AMN1: variants seen among roughly 807,000 people sequenced by gnomAD.
AMN1 encodes antagonist of mitotic exit network 1 homolog.
In AMN1, 20 loss-of-function variants were observed where a neutral mutation model predicts 33.0. The ratio of observed to expected loss-of-function variants is 0.61; its 90% CI spans 0.43 to 0.88. The LOEUF is 0.88. Among genes scored for constraint, AMN1 ranks in the 40% least tolerant of loss-of-function variants. The probability of loss-of-function intolerance (pLI) is 0.00; values close to 1 mark genes in which losing one functional copy is unlikely to be tolerated. For synonymous variants in AMN1, 114 were observed against 111.9 expected, an observed-to-expected ratio of 1.02 and a Z score of -0.12; for missense variants, 246 against 307.4, an observed-to-expected ratio of 0.80 and a Z score of 1.49.
intron 1 of AMN1, among the ~76,000 whole-genome samples, chr12:31,712,998 G>A (rs1939527434): frequency 6.6e-6 from 1 of 152,174 alleles, no homozygotes. Flanking sequence ...ACATGGGAGT[G>A]CAGATATCTC....
At chr12:31,720,373 T>C (rs1279679546) in intron 1 of AMN1, among the ~76,000 whole-genome samples, 1 of 152,158 alleles carries the variant, frequency 6.6e-6, no homozygotes, top group African/African-American at 2.4e-5. Context: ...TAACCCCATC[T>C]CTACCAAAAA....
intron 6 of AMN1, among the ~76,000 whole-genome samples, chr12:31,684,225 T>A (rs1330252380): frequency 2.0e-5 from 3 of 152,148 alleles, no homozygotes; most frequent in African/African-American, 7.2e-5. Flanking sequence ...GCAAAGTTCA[T>A]TGATATGTTT....
At chr12:31,693,144 C>G (rs1182796470) in intron 5 of AMN1, among the ~76,000 whole-genome samples, 1 of 152,174 alleles carries the variant, frequency 6.6e-6, no homozygotes, top group Admixed American at 6.5e-5. Context: ...ACACAGTTCA[C>G]CGTAGCTTCA....
At chr12:31,727,962 T>C (rs1017231007) in intron 1 of AMN1, among the ~76,000 whole-genome samples, 1 of 152,088 alleles carries the variant, frequency 6.6e-6, no homozygotes, top group Non-Finnish European at 1.5e-5. Flanking sequence ...CCAACTCTCC[T>C]GATCTCAAGT....
At chr12:31,675,080 G>A (rs1236969087) in intron 6 of AMN1, among the ~76,000 whole-genome samples, 4 of 148,536 alleles carry the variant, frequency 2.7e-5, no homozygotes, top group African/African-American at 1.0e-4. Context: ...AACCAACTAG[G>A]AATAGAAGAT....
At position 31,701,853 on chromosome 12, in the gene AMN1, A is replaced by C. The variant is rs771328077; in HGVS notation, c.316+10T>G. On this transcript the variant is annotated intron_variant, in intron 3 of 6. Transcript: ENST00000281471. ...TAATCTACCAATGTACTCAGTGTTA[A>C]TAAACATACCTTCTGAAGTTACAGA... 6.3e-7 allele frequency: 1 copy of C among 1,591,662 alleles called. No individual in the cohort carries two copies. Among genetic ancestry groups the C allele is most frequent in the South Asian group, 1.2e-5 (1 of 86,312 alleles).
intron 1 of AMN1, among the ~76,000 whole-genome samples, chr12:31,718,306 A>C (rs576939381): frequency 6.6e-4 from 100 of 152,130 alleles, no homozygotes; most frequent in Non-Finnish European, 1.2e-3. Context: ...TCTAGTTAGC[A>C]GTTCCTGTAA....
intron 2 of AMN1, 104 bp from the exon 3 acceptor site, chr12:31,702,111 T>C (rs1369234591): frequency 1.9e-6 from 2 of 1,025,978 alleles, no homozygotes; most frequent in Non-Finnish European, 2.8e-6. Context: ...GTGGCTGATG[T>C]AAAATACAGC....
intron 1 of AMN1, chr12:31,715,788 TGAAA>T (rs1484638550): frequency 1.3e-5 from 2 of 155,084 alleles, no homozygotes; most frequent in African/African-American, 4.8e-5. Flanking sequence ...CCATGATGAA[TGAAA>T]GACAAGAGAC....
At chr12:31,681,747 C>T (rs1938024981) in intron 6 of AMN1, among the ~76,000 whole-genome samples, 1 of 152,110 alleles carries the variant, frequency 6.6e-6, no homozygotes, top group South Asian at 2.1e-4. Context: ...TAATGTTGTG[C>T]AGGCTGATTT....
chr12:31,712,585 T>C (rs1328394105), intron 1 of AMN1, among the ~76,000 whole-genome samples: 1 of 152,144 alleles, frequency 6.6e-6, no homozygotes, highest in East Asian at 1.9e-4. Context: ...TATTCCATCA[T>C]ATATATGTAT....
At chr12:31,715,098 A>G (rs1177430554) in intron 1 of AMN1, 1 of 190,614 alleles carries the variant, frequency 5.2e-6, no homozygotes, top group African/African-American at 2.4e-5. Context: ...GTACTGAAGT[A>G]GCAAAGATGC....
chr12:31,707,419 T>C (rs541020354), intron 2 of AMN1, among the ~76,000 whole-genome samples: 41 of 152,350 alleles, frequency 2.7e-4, no homozygotes, highest in Non-Finnish European at 4.7e-4. Flanking sequence ...TGTTCCTGAA[T>C]GTCATTCTGC....
At chr12:31,729,166 A>G (rs1461048737), upstream of AMN1, 5 of 743,208 alleles carry the variant, frequency 6.7e-6, no homozygotes, top group African/African-American at 5.4e-5. Context: ...GGACTCCACA[A>G]GGAAAGAAGA....
At chr12:31,678,617 G>A (rs923525560) in intron 6 of AMN1, among the ~76,000 whole-genome samples, 10 of 152,196 alleles carry the variant, frequency 6.6e-5, no homozygotes, top group Admixed American at 1.3e-4. Context: ...GGCTGGTCTC[G>A]AACTCCTGAC....
intron 1 of AMN1, among the ~76,000 whole-genome samples, chr12:31,716,190 C>T (rs1939668965): frequency 6.6e-6 from 1 of 152,100 alleles, no homozygotes; most frequent in African/African-American, 2.4e-5. Context: ...TATTCATTTC[C>T]ATTTTCACGT....
At chr12:31,719,237 A>G (rs1360743940) in intron 1 of AMN1, 1 of 433,938 alleles carries the variant, frequency 2.3e-6, no homozygotes, top group Non-Finnish European at 3.1e-6. Flanking sequence ...AAATGCAGAA[A>G]TCGCCCATCT....
chr12:31,673,632 T>G (rs1287817638), intron 6 of AMN1: 3 of 440,652 alleles, frequency 6.8e-6, no homozygotes, highest in Non-Finnish European at 1.4e-5. Flanking sequence ...GTGAGGCCAG[T>G]GTTACCCTGA....
rs1337062888 is a variant in AMN1, at chr12:31,701,922, T to C, written c.257A>G (p.Lys86Arg). Residue 86 changes from lysine (K) to arginine (R), a missense_variant, in exon 3 of 7, where the codon AAA (lysine) becomes AGA (arginine). Transcript: ENST00000281471. ...AALLHLSNCR[K>R]LKKLNLNASK... ...AGCATTTAAATTTAATTTCTTCAGT[T>C]TTCTACAGTTAGACAGGTGCAGGAG... 2 of 1,609,342 alleles carry C rather than the reference T, an allele frequency of 1.2e-6. No individual in the cohort carries two copies. The highest frequency in any genetic ancestry group is 8.5e-7 in the Non-Finnish European group (1 of 1,178,660).
Sources: gnomAD v4.1 joint callset for allele counts (sites outside exome capture counted in the v4.1 genomes callset) on GRCh38, gnomAD v4.1.1 for gene constraint, MANE v1.5 for transcripts, NCBI Gene and HGNC (gene_info 2026-07-23, HGNC 2026-07-21) for gene names.